Variants in DDX18 observed in about 807,000 individuals in gnomAD.
DDX18 encodes DEAD-box helicase 18, also known as ATP-dependent RNA helicase DDX18.
Under a neutral mutation model 73.5 loss-of-function variants are expected in DDX18, and 23 were observed. That is an observed-to-expected ratio of 0.31 (90% CI 0.23 to 0.44). The LOEUF is 0.44. Ranked by LOEUF, DDX18 falls within the 20% of genes least tolerant of loss-of-function variation. The probability of loss-of-function intolerance (pLI) is 1.00; values close to 1 mark genes in which losing one functional copy is unlikely to be tolerated. For missense variants in DDX18, 753 were observed against 792.9 expected (o/e 0.95, Z 0.60); for synonymous variants, 268 against 282.7 (o/e 0.95, Z 0.52).
At chr2:117,830,359 C>T (rs537362016) in intron 13 of DDX18, among the ~76,000 whole-genome samples, 1 of 152,276 alleles carries the variant, frequency 6.6e-6, no homozygotes, top group Middle Eastern at 3.4e-3. Context: ...ATGACTATTA[C>T]ACACCGAAGT....
chr2:117,828,802 C>A, intron 11 of DDX18, 147 bp from the exon 12 acceptor site: 1 of 616,952 alleles, frequency 1.6e-6, no homozygotes, highest in Non-Finnish European at 2.9e-6. Context: ...GTAACTTTCC[C>A]ATCAACATTG....
At chr2:117,823,123 C>T (rs1679873468) in intron 7 of DDX18, among the ~76,000 whole-genome samples, 1 of 152,160 alleles carries the variant, frequency 6.6e-6, no homozygotes, top group African/African-American at 2.4e-5. Context: ...GTAATGTTAG[C>T]CCCAAGTTTG....
Position 117,817,497 on chromosome 2 carries a change from A to G in DDX18, c.139A>G (p.Thr47Ala). ...ETQNGDVSEE[T>A]MGSRKVKKSK... ...TCAAAATGGAGATGTATCTGAAGAAACAATGGGAAGTAGAAAGGTTAAAAA... is the reference window on the plus strand; with the variant it reads ...TCAAAATGGAGATGTATCTGAAGAAGCAATGGGAAGTAGAAAGGTTAAAAA... The change falls in exon 2 of 14, where the codon ACA becomes GCA. Residue 47 changes from threonine (T) to alanine (A), a missense_variant. Transcript: ENST00000263239. The G allele has an allele frequency of 6.2e-7, 1 of 1,613,166 alleles. No homozygotes were observed. Among genetic ancestry groups the G allele is most frequent in the African/African-American group, 1.3e-5 (1 of 74,886 alleles).
At position 117,821,304 on chromosome 2, in the gene DDX18, T is replaced by G; in HGVS notation, c.650+8T>G. The G allele has an allele frequency of 1.3e-6, 2 of 1,598,336 alleles. No individual in the cohort carries two copies. The highest frequency in any genetic ancestry group is 1.1e-5 in the South Asian group (1 of 87,138). The stretch of plus-strand genomic sequence containing the variant: ...ACCACTTCTGGAAGGCAGGTATGAT[T>G]AACATTGAAGCTTAGATATTGGCAT... On this transcript the variant is annotated splice_region_variant and intron_variant, in intron 4 of 13. Coordinates refer to ENST00000263239, the MANE Select transcript of DDX18 (RefSeq NM_006773.4).
chr2:117,826,152 C>T, intron 10 of DDX18, 117 bp from the exon 11 acceptor site: 1 of 760,728 alleles, frequency 1.3e-6, no homozygotes, highest in South Asian at 1.7e-5. Flanking sequence ...GTGTGTGGCC[C>T]AGCACCGTGG....
intron 13 of DDX18, among the ~76,000 whole-genome samples, chr2:117,830,217 C>A (rs574289438): frequency 7.2e-5 from 11 of 152,148 alleles, no homozygotes; most frequent in Admixed American, 5.9e-4. Flanking sequence ...TAAATCAATT[C>A]CGAAGAGAAA....
At chr2:117,827,100 T>G (rs1247472451) in intron 11 of DDX18, 1 of 152,316 alleles carries the variant, frequency 6.6e-6, no homozygotes, top group East Asian at 1.9e-4. Flanking sequence ...ATATCAGGCC[T>G]TCTCCTGCCT....
chr2:117,822,492 G>T (rs924322000), intron 7 of DDX18: 88 of 418,422 alleles, frequency 2.1e-4, no homozygotes, highest in Non-Finnish European at 3.3e-4. Flanking sequence ...TCTTCACATA[G>T]GTCCTGTCCT....
At position 117,822,204 on chromosome 2, in the gene DDX18, C is replaced by T. The variant is rs1369148353; in HGVS notation, c.1009C>T (p.Arg337Cys). The change falls in exon 7 of 14, where the codon CGT becomes TGT. Residue 337 changes from arginine to cysteine, a missense_variant. Physicochemically the swap from Arg to Cys is radical, Grantham distance 180. Transcript: ENST00000263239. ...GTGTCTGGTTATTGATGAAGCTGAT[C>T]GTATCTTGGATGTGGGGTTTGAAGA... ...LQCLVIDEAD[R>C]ILDVGFEEEL... The T allele has an allele frequency of 4.3e-6, 7 of 1,613,736 alleles. No individual in the cohort carries two copies. The highest frequency in any genetic ancestry group is 1.3e-5 in the African/African-American group (1 of 74,990).
At chr2:117,816,986 C>T (rs1394597502) in intron 1 of DDX18, among the ~76,000 whole-genome samples, 1 of 152,218 alleles carries the variant, frequency 6.6e-6, no homozygotes, top group Non-Finnish European at 1.5e-5. Flanking sequence ...ATTTTCAACT[C>T]ACTGCAGTCT....
At chr2:117,821,510 G>GTA in intron 4 of DDX18, 140 bp from the exon 5 acceptor site, 1 of 1,091,062 alleles carries the variant, frequency 9.2e-7, no homozygotes, top group Non-Finnish European at 1.3e-6. Context: ...TATGATTTCA[G>GTA]TATATAACCC....
rs765924852 is a variant in DDX18, at chr2:117,814,804, G to C, written c.27G>C (p.Leu9=). 23 of 1,614,094 alleles carry C rather than the reference G, an allele frequency of 1.4e-5. No individual in the cohort carries two copies. The highest frequency in any genetic ancestry group is 1.9e-5 in the Non-Finnish European group (23 of 1,180,034). Residue 9 remains leucine (L), a synonymous_variant, in exon 1 of 14, where the codon CTG becomes CTC. Coordinates refer to ENST00000263239, the MANE Select transcript of DDX18 (RefSeq NM_006773.4). The part of the protein sequence containing the change: MSHLPMKL[L]RKKIEKRNLK... ...TGTCACACCTGCCGATGAAACTCCT[G>C]CGTAAGAAGATCGAGAAGCGGAACC...
chr2:117,832,086 A>C lies in DDX18; in HGVS notation c.*1362A>C, dbSNP rs1481230917. 4 of 152,302 alleles carry C rather than the reference A, an allele frequency of 2.6e-5. No individual in the cohort carries two copies. The highest frequency in any genetic ancestry group is 4.4e-5 in the Non-Finnish European group (3 of 68,028). 9.4% of individuals were successfully genotyped at this position (152,302 alleles called of 1,614,324 possible). Reference sequence around the variant, plus strand: ...ACCTTGACTGCTGAGCTCCTGGCTTAGCTTCTTGGGTTCCTAATTCCTGGT... The same window carrying C: ...ACCTTGACTGCTGAGCTCCTGGCTTCGCTTCTTGGGTTCCTAATTCCTGGT... On this transcript the variant is annotated 3_prime_UTR_variant, in exon 14 of 14. Transcript: ENST00000263239.
At chr2:117,823,536 T>G (rs142231746) in intron 7 of DDX18, among the ~76,000 whole-genome samples, 1 of 152,348 alleles carries the variant, frequency 6.6e-6, no homozygotes, top group African/African-American at 2.4e-5. Flanking sequence ...GTTAATCCTG[T>G]ACCGAATGAT....
intron 9 of DDX18, 83 bp downstream of exon 9, chr2:117,825,184 C>A (rs1396031402): frequency 6.7e-7 from 1 of 1,491,038 alleles, no homozygotes; most frequent in Non-Finnish European, 9.1e-7. Context: ...ATTGCCCTCT[C>A]CTGGAAACAT....
At position 117,825,552 on chromosome 2, in the gene DDX18, C is replaced by A. The variant is rs772744602; in HGVS notation, c.1474C>A (p.Pro492Thr). 2 of 1,614,142 alleles carry A rather than the reference C, an allele frequency of 1.2e-6. No individual in the cohort carries two copies. ...TGTGGCAGCGAGAGGACTAGACATT[C>A]CTGAAGTCGACTGGATTGTTCAGTA... is the stretch of plus-strand genomic sequence containing the variant. ...TDVAARGLDI[P>T]EVDWIVQYDP... Residue 492 changes from proline to threonine, a missense_variant, in exon 10 of 14, where the codon CCT (proline) becomes ACT (threonine). Coordinates refer to ENST00000263239, the MANE Select transcript of DDX18 (RefSeq NM_006773.4).
At chr2:117,827,310 A>C (rs981858032) in intron 11 of DDX18, 1 of 152,192 alleles carries the variant, frequency 6.6e-6, no homozygotes, top group Non-Finnish European at 1.5e-5. Flanking sequence ...ACAGGTGCTC[A>C]TCAGGTTGAC....
At position 117,817,502 on chromosome 2, in the gene DDX18, G is replaced by A; in HGVS notation, c.144G>A (p.Met48Ile). The A allele has an allele frequency of 1.2e-6, 2 of 1,613,140 alleles. No homozygotes were observed. Among genetic ancestry groups the A allele is most frequent in the Non-Finnish European group, 1.7e-6 (2 of 1,179,822 alleles). The change falls in exon 2 of 14, where the codon ATG becomes ATA. Residue 48 changes from methionine (M) to isoleucine (I), a missense_variant. Physicochemically the swap from Met to Ile is conservative, Grantham distance 10. This residue lies in a region of DDX18 where 345 missense variants were observed against 352.0 expected (regional missense o/e 0.98). Coordinates refer to ENST00000263239, the MANE Select transcript of DDX18 (RefSeq NM_006773.4). ...TQNGDVSEET[M>I]GSRKVKKSKQ... ...ATGGAGATGTATCTGAAGAAACAAT[G>A]GGAAGTAGAAAGGTTAAAAAATCAA...
intron 10 of DDX18, 62 bp from the exon 11 acceptor site, chr2:117,826,207 A>G: frequency 1.4e-6 from 2 of 1,399,098 alleles, no homozygotes; most frequent in Non-Finnish European, 2.0e-6. Flanking sequence ...CAGGATGCAG[A>G]TACGCAAATG....
Sources: gnomAD v4.1 joint callset for allele counts (sites outside exome capture counted in the v4.1 genomes callset) on GRCh38, gnomAD v4.1.1 for gene constraint, gnomAD v4.1.1 regional missense constraint, MANE v1.5 for transcripts, NCBI Gene and HGNC (gene_info 2026-07-23, HGNC 2026-07-21) for gene names.